Variants in RYR3 observed in about 807,000 individuals in gnomAD.
RYR3 encodes the protein ryanodine receptor 3, also known as brain ryanodine receptor-calcium release channel.
RYR3 carries 207 observed loss-of-function variants against 584.3 expected under a neutral mutation model. The observed-to-expected ratio is 0.35, with a 90% CI of 0.32 to 0.40. The LOEUF (loss-of-function observed/expected upper bound fraction) is 0.40. Among genes scored for constraint, RYR3 ranks in the 10% least tolerant of loss-of-function variants. The pLI, the probability that RYR3 is intolerant of heterozygous loss-of-function variation, is 1.00. For missense variants in RYR3, 5,616 were observed against 6,089.2 expected (o/e 0.92, Z 2.59); for synonymous variants, 2,416 against 2,248.5 (o/e 1.07, Z -2.11).
At chr15:33,659,915 T>A (rs1479250221) in intron 33 of RYR3, 109 bp downstream of exon 33, 2 of 758,728 alleles carry the variant, frequency 2.6e-6, no homozygotes, top group Admixed American at 2.2e-5. Flanking sequence ...TCACTTCCCA[T>A]AAGCCCCCCA....
intron 46 of RYR3, among the ~76,000 whole-genome samples, chr15:33,728,036 T>C (rs2068614430): frequency 6.6e-6 from 1 of 152,236 alleles, no homozygotes; most frequent in South Asian, 2.1e-4. Flanking sequence ...TGCAACAGTA[T>C]GTCCTCGAAG....
At chr15:33,685,192 G>A (rs147848933) in intron 38 of RYR3, among the ~76,000 whole-genome samples, 1,675 of 152,242 alleles carry the variant, frequency 0.011, 32 homozygotes, top group African/African-American at 0.038. Flanking sequence ...TGCTGTATTC[G>A]GGAGACCCAT....
At chr15:33,546,563 T>C (rs2056255385) in intron 8 of RYR3, among the ~76,000 whole-genome samples, 2 of 152,218 alleles carry the variant, frequency 1.3e-5, no homozygotes, top group South Asian at 4.1e-4. Context: ...GATTGCTGTA[T>C]GATTAATGTG....
chr15:33,516,428 C>T (rs750143627), intron 3 of RYR3, among the ~76,000 whole-genome samples: 4 of 151,832 alleles, frequency 2.6e-5, no homozygotes, highest in Admixed American at 6.6e-5. Flanking sequence ...ACTGCAACCT[C>T]TGCCTCCTGT....
intron 12 of RYR3, among the ~76,000 whole-genome samples, chr15:33,570,525 A>AT (rs1193427542): frequency 1.3e-5 from 2 of 151,976 alleles, no homozygotes; most frequent in East Asian, 3.8e-4. Context: ...GAATGCTCCA[A>AT]TTTTTTACTT....
intron 64 of RYR3, among the ~76,000 whole-genome samples, chr15:33,777,853 C>T (rs966194028): frequency 6.6e-6 from 1 of 151,868 alleles, no homozygotes; most frequent in African/African-American, 2.4e-5. Flanking sequence ...GACCCCTTGT[C>T]TCCTAGGTTC....
chr15:33,316,289 T>A (rs1025856845), intron 1 of RYR3, among the ~76,000 whole-genome samples: 1 of 152,218 alleles, frequency 6.6e-6, no homozygotes, highest in Admixed American at 6.5e-5. Context: ...ATAATTCGAC[T>A]TTTTCTTTAC....
chr15:33,664,336 G>C (rs1200509874), intron 36 of RYR3, among the ~76,000 whole-genome samples: 1 of 151,944 alleles, frequency 6.6e-6, no homozygotes, highest in Non-Finnish European at 1.5e-5. Context: ...CCGATGGGAA[G>C]GGCTTCTTTA....
chr15:33,669,856 G>GGT (rs1555401712), intron 37 of RYR3, among the ~76,000 whole-genome samples: 8 of 47,390 alleles, frequency 1.7e-4, no homozygotes, highest in Admixed American at 2.9e-4. Context: ...GGGGGGGGGG[G>GGT]GGTGTGGGTG....
At chr15:33,409,098 A>C (rs947808857) in intron 1 of RYR3, among the ~76,000 whole-genome samples, 6 of 152,150 alleles carry the variant, frequency 3.9e-5, no homozygotes, top group Non-Finnish European at 8.8e-5. Flanking sequence ...TCTGCCAGAG[A>C]GTGCTGACAG....
intron 16 of RYR3, among the ~76,000 whole-genome samples, chr15:33,590,926 C>T (rs868758259): frequency 4.6e-5 from 7 of 152,132 alleles, no homozygotes; most frequent in African/African-American, 1.4e-4. Context: ...AAGTTGTTAG[C>T]TTTGTCCCTT....
intron 2 of RYR3, among the ~76,000 whole-genome samples, chr15:33,478,464 C>A (rs571985618): frequency 1.3e-5 from 2 of 152,334 alleles, no homozygotes; most frequent in South Asian, 4.1e-4. Flanking sequence ...AGAGTCGCTG[C>A]ACTCCAAGAA....
At chr15:33,643,200 A>G (rs535555626) in intron 27 of RYR3, among the ~76,000 whole-genome samples, 1 of 152,262 alleles carries the variant, frequency 6.6e-6, no homozygotes, top group East Asian at 1.9e-4. Context: ...TTTCTTCTGT[A>G]GGGAACTCCA....
intron 18 of RYR3, among the ~76,000 whole-genome samples, chr15:33,605,545 C>T (rs2059863843): frequency 6.6e-6 from 1 of 152,166 alleles, no homozygotes; most frequent in East Asian, 1.9e-4. Context: ...TAGGTGCACT[C>T]CAGGGATTTC....
chr15:33,814,353 AC>A (rs1437735613), intron 74 of RYR3, among the ~76,000 whole-genome samples: 2 of 152,220 alleles, frequency 1.3e-5, no homozygotes, highest in Non-Finnish European at 2.9e-5. Flanking sequence ...CCTCTGCTTC[AC>A]TGACTTATCA....
chr15:33,604,932 G>A (rs1417770146), intron 18 of RYR3, among the ~76,000 whole-genome samples: 1 of 152,198 alleles, frequency 6.6e-6, no homozygotes, highest in Non-Finnish European at 1.5e-5. Context: ...TAACAAGACT[G>A]ACTTGTAAAA....
At chr15:33,845,142 C>G in intron 93 of RYR3, 80 bp downstream of exon 93, 3 of 1,470,606 alleles carry the variant, frequency 2.0e-6, no homozygotes, top group African/African-American at 1.4e-5. Context: ...GCCCTTTGCT[C>G]TAAGACTTTG....
intron 1 of RYR3, among the ~76,000 whole-genome samples, chr15:33,330,425 A>G (rs763235284): frequency 1.1e-4 from 16 of 151,960 alleles, no homozygotes; most frequent in Non-Finnish European, 2.4e-4. Context: ...ACTTTTCCCA[A>G]TCAACCATAG....
At chr15:33,521,415 C>T (rs1484935667) in intron 3 of RYR3, among the ~76,000 whole-genome samples, 3 of 152,120 alleles carry the variant, frequency 2.0e-5, no homozygotes, top group Admixed American at 2.0e-4. Context: ...ATTGCGCCAC[C>T]TTCTCATCCA....
Sources: gnomAD v4.1 joint callset for allele counts (sites outside exome capture counted in the v4.1 genomes callset) on GRCh38, gnomAD v4.1.1 for gene constraint, MANE v1.5 for transcripts, NCBI Gene and HGNC (gene_info 2026-07-23, HGNC 2026-07-21) for gene names.